Variants in DST observed in about 807,000 individuals in gnomAD.
DST encodes the protein bullous pemphigoid antigen.
A neutral mutation model predicts 875.2 loss-of-function variants in DST; 253 were observed. That is an observed-to-expected ratio of 0.29 (90% CI 0.26 to 0.32). The LOEUF is 0.32. DST is among the 10% of genes least tolerant of loss of function. The pLI is 1.00. For missense variants in DST, 8,287 were observed against 9,111.6 expected, an observed-to-expected ratio of 0.91 and a Z score of 3.68; for synonymous variants, 3,124 against 3,197.1, an observed-to-expected ratio of 0.98 and a Z score of 0.77.
intron 7 of DST, among the ~76,000 whole-genome samples, chr6:56,702,175 T>C (rs2099311440): frequency 6.6e-6 from 1 of 152,172 alleles, no homozygotes; most frequent in Non-Finnish European, 1.5e-5. Context: ...ATGTTTTATT[T>C]AAACATATAC....
chr6:56,791,614 C>T (rs1297820663), intron 4 of DST, among the ~76,000 whole-genome samples: 4 of 151,638 alleles, frequency 2.6e-5, no homozygotes, highest in Admixed American at 6.6e-5. Flanking sequence ...AGGAAGATCC[C>T]GTCTCTACAA....
chr6:56,485,601 G>T, intron 87 of DST, 130 bp from the exon 88 acceptor site: 2 of 880,972 alleles, frequency 2.3e-6, no homozygotes, highest in Non-Finnish European at 3.4e-6. Flanking sequence ...ATTCATTGTT[G>T]TTTCTTTGCT....
At chr6:56,483,365 T>C (rs1413396422) in intron 88 of DST, among the ~76,000 whole-genome samples, 1 of 152,096 alleles carries the variant, frequency 6.6e-6, no homozygotes, top group Non-Finnish European at 1.5e-5. Context: ...CACGGATGTC[T>C]TAGAGATAAT....
rs1355225971 is a variant in DST, at chr6:56,615,943, C to A, written c.4930-1459G>T. ...GCTGCTGGGCAAACCCCTCATCAAC[C>A]AGGCCTCTATGCAAAGCTTCGGCCA... On this transcript the variant is annotated intron_variant, in intron 36 of 103. Coordinates refer to ENST00000680361, the MANE Select transcript of DST (RefSeq NM_001374736.1). 5 of 1,614,122 alleles carry A rather than the reference C, an allele frequency of 3.1e-6. No individual in the cohort carries two copies. The highest frequency in any genetic ancestry group is 4.2e-6 in the Non-Finnish European group (5 of 1,180,044).
Position 56,607,635 on chromosome 6 carries a change from T to C in DST, c.6993A>G (p.Lys2331=). 7 of 1,613,408 alleles carry C rather than the reference T, an allele frequency of 4.3e-6. No homozygotes were observed. The highest frequency in any genetic ancestry group is 5.9e-6 in the Non-Finnish European group (7 of 1,179,638). The part of the protein sequence containing the change: ...KLASTISIDP[K]VNSSPSVCVP... ...CACACACACTGGGTGAACTGTTAAC[T>C]TTAGGATCAATTGATATTGTACTTG... Residue 2331 remains lysine, a synonymous_variant, in exon 40 of 104, where the codon AAA becomes AAG. Coordinates refer to ENST00000680361, the MANE Select transcript of DST (RefSeq NM_001374736.1).
Position 56,569,875 on chromosome 6 carries a change from T to A in DST, c.13859A>T (p.Lys4620Ile). Residue 4620 changes from lysine (K) to isoleucine (I), a missense_variant, in exon 54 of 104, where the codon AAA becomes ATA. Physicochemically the swap from Lys to Ile is moderately radical, Grantham distance 102 (BLOSUM62 -3). This residue lies in a region of DST where 1,513 missense variants were observed against 1,677.8 expected (regional missense o/e 0.90). Transcript: ENST00000680361. Reference protein sequence around the residue: ...QPSFGAEDLGKSLEDTKKLQE... With the variant: ...QPSFGAEDLGISLEDTKKLQE... ...ATTCACCTTAGTGTCTTCCAAAGAT[T>A]TTCCTAAATCCTCTGCACCAAAAGA... 1.2e-6 allele frequency: 2 copies of A among 1,611,878 alleles called. No homozygotes were observed. Among genetic ancestry groups the A allele is most frequent in the Non-Finnish European group, 1.7e-6 (2 of 1,179,300 alleles).
chr6:56,605,578 A>G lies in DST; in HGVS notation c.9050T>C (p.Ile3017Thr). ...KPAEESHLSL[I>T]ASVTDKDPQG... ...AGGATCTTTGTCAGTTACAGAGGCT[A>G]TCAATGACAAATGGCTTTCCTCAGC... The change falls in exon 40 of 104, where the codon ATA (isoleucine) becomes ACA (threonine). Residue 3017 changes from isoleucine to threonine, a missense_variant. Around this residue, in one of 10 missense-constraint regions of DST, gnomAD observed 3,138 missense variants for 3,116.6 expected, o/e 1.01. Coordinates refer to ENST00000680361, the MANE Select transcript of DST (RefSeq NM_001374736.1). The G allele has an allele frequency of 1.2e-6, 2 of 1,613,146 alleles. No individual in the cohort carries two copies. Among genetic ancestry groups the G allele is most frequent in the Non-Finnish European group, 1.7e-6 (2 of 1,179,380 alleles).
chr6:56,629,537 A>T, intron 31 of DST, 94 bp from the exon 32 acceptor site: 1 of 937,142 alleles, frequency 1.1e-6, no homozygotes. Flanking sequence ...TTTACAAATG[A>T]CAGGTAGAAA....
At chr6:56,953,653 G>A in intron 2 of DST, 132 bp downstream of exon 2, 2 of 572,536 alleles carry the variant, frequency 3.5e-6, no homozygotes, top group South Asian at 1.9e-5. Flanking sequence ...AAGGAAACAT[G>A]CCACTTTCGG....
intron 49 of DST, among the ~76,000 whole-genome samples, chr6:56,580,725 C>CTTTT (rs1167715487): frequency 8.3e-6 from 1 of 121,038 alleles, no homozygotes; most frequent in African/African-American, 3.1e-5. Flanking sequence ...TTTACTTTTT[C>CTTTT]TTTTTTTTTT....
chr6:56,848,215 T>C (rs1286767621), intron 4 of DST, among the ~76,000 whole-genome samples: 1 of 152,258 alleles, frequency 6.6e-6, no homozygotes, highest in Non-Finnish European at 1.5e-5. Flanking sequence ...TTCATTTTAT[T>C]GCAGGGGCTC....
At chr6:56,858,766 C>T (rs1769373630) in intron 3 of DST, among the ~76,000 whole-genome samples, 1 of 152,164 alleles carries the variant, frequency 6.6e-6, no homozygotes. Context: ...TCCTTTCTTT[C>T]AGTTTAGTAT....
intron 55 of DST, 38 bp downstream of exon 55, chr6:56,568,431 T>C: frequency 6.3e-7 from 1 of 1,575,402 alleles, no homozygotes; most frequent in Non-Finnish European, 8.6e-7. Flanking sequence ...GTAAACCTGA[T>C]TCTTAGTTTT....
At chr6:56,594,688 G>C (rs890860868) in intron 47 of DST, among the ~76,000 whole-genome samples, 4 of 152,118 alleles carry the variant, frequency 2.6e-5, no homozygotes, top group African/African-American at 9.7e-5. Flanking sequence ...AACTAAGCAA[G>C]AACACTGTAC....
intron 4 of DST, chr6:56,842,910 T>G (rs1299812279): frequency 1.4e-6 from 1 of 738,410 alleles, no homozygotes; most frequent in Non-Finnish European, 1.9e-6. Flanking sequence ...CTAAATCCCG[T>G]GCAAAAAGAC....
At chr6:56,732,419 G>T (rs991442659) in intron 5 of DST, among the ~76,000 whole-genome samples, 2 of 151,802 alleles carry the variant, frequency 1.3e-5, no homozygotes, top group Non-Finnish European at 2.9e-5. Context: ...TCTAATAATT[G>T]CTTTTGTGTT....
intron 10 of DST, among the ~76,000 whole-genome samples, chr6:56,660,594 C>T (rs1418696351): frequency 3.4e-5 from 5 of 146,738 alleles, no homozygotes; most frequent in African/African-American, 1.0e-4. Flanking sequence ...GTGCAAAAAG[C>T]ACCTCACCTT....
intron 10 of DST, among the ~76,000 whole-genome samples, chr6:56,664,632 G>A (rs1473290757): frequency 1.3e-5 from 2 of 152,032 alleles, no homozygotes; most frequent in South Asian, 2.1e-4. Flanking sequence ...AGATGTTTTT[G>A]TGACAACCTT....
In DST at chr6:56,609,137, T is replaced by C. The variant is rs761854170; in HGVS notation, c.5491A>G (p.Ile1831Val). Residue 1831 changes from isoleucine (I) to valine (V), a missense_variant, in exon 40 of 104, where the codon ATT becomes GTT. Ile to Val is a conservative substitution (Grantham distance 29). Coordinates refer to ENST00000680361, the MANE Select transcript of DST (RefSeq NM_001374736.1). ...AKSHGLIDEQILCQLKELSKA... is the reference protein window; with the variant it reads ...AKSHGLIDEQVLCQLKELSKA... ...CTTAGTTCTTTGAGTTGGCACAGAA[T>C]TTGTTCATCAATAAGGCCATGACTT... 1 of 1,613,852 alleles carries C rather than the reference T, an allele frequency of 6.2e-7. No individual in the cohort carries two copies. Among genetic ancestry groups the C allele is most frequent in the Non-Finnish European group, 8.5e-7 (1 of 1,179,794 alleles).
Sources: allele counts gnomAD v4.1 joint callset (sites outside exome capture counted in the v4.1 genomes callset), GRCh38; gene constraint gnomAD v4.1.1; regional missense constraint gnomAD v4.1.1; transcripts MANE v1.5; gene names NCBI Gene and HGNC (gene_info 2026-07-23, HGNC 2026-07-21).